PLPPR1: variants seen among roughly 807,000 people sequenced by gnomAD.
The protein encoded by PLPPR1 is phospholipid phosphatase related 1.
A neutral mutation model predicts 33.1 loss-of-function variants in PLPPR1; 10 were observed. The observed-to-expected ratio is 0.30, with a 90% CI of 0.19 to 0.51. The LOEUF (loss-of-function observed/expected upper bound fraction) is 0.51. PLPPR1 is among the 20% of genes least tolerant of loss of function. PLPPR1 has a pLI of 0.97. For missense variants in PLPPR1, 304 were observed against 408.1 expected (o/e 0.74, Z 2.20); for synonymous variants, 151 against 151.0 (o/e 1.00, Z 0.00).
chr9:101,280,520 C>T (rs1433002953), intron 3 of PLPPR1, among the ~76,000 whole-genome samples: 1 of 152,016 alleles, frequency 6.6e-6, no homozygotes, highest in East Asian at 1.9e-4. Flanking sequence ...CCCTAATGAA[C>T]ATGGTTGCAA....
chr9:101,244,057 A>G (rs1437783430), intron 2 of PLPPR1, among the ~76,000 whole-genome samples: 1 of 151,962 alleles, frequency 6.6e-6, no homozygotes, highest in African/African-American at 2.4e-5. Flanking sequence ...TAGGGCAGAG[A>G]TATATTCAAG....
At chr9:101,237,307 A>T (rs1351929287) in intron 2 of PLPPR1, among the ~76,000 whole-genome samples, 1 of 151,786 alleles carries the variant, frequency 6.6e-6, no homozygotes, top group African/African-American at 2.4e-5. Context: ...TGATCCAGCA[A>T]TCTCACTACT....
intron 2 of PLPPR1, among the ~76,000 whole-genome samples, chr9:101,223,447 T>G (rs1826995890): frequency 6.6e-6 from 1 of 152,092 alleles, no homozygotes; most frequent in South Asian, 2.1e-4. Flanking sequence ...TCCAGTCACT[T>G]TAGTTGTATC....
intron 1 of PLPPR1, among the ~76,000 whole-genome samples, chr9:101,135,856 C>G (rs1831371714): frequency 6.6e-6 from 1 of 152,176 alleles, no homozygotes; most frequent in Non-Finnish European, 1.5e-5. Context: ...GTCTGCCCAG[C>G]AGGCTCTCAA....
At chr9:101,127,151 CT>C in intron 1 of PLPPR1, among the ~76,000 whole-genome samples, 1 of 151,834 alleles carries the variant, frequency 6.6e-6, no homozygotes, top group Middle Eastern at 3.4e-3. Context: ...CTTCCAAGTA[CT>C]CAACTTTCCC....
At chr9:101,255,214 G>T (rs979530285) in intron 2 of PLPPR1, among the ~76,000 whole-genome samples, 1 of 152,094 alleles carries the variant, frequency 6.6e-6, no homozygotes, top group African/African-American at 2.4e-5. Flanking sequence ...TGAAAGAGAA[G>T]GGAGTTTGAT....
intron 1 of PLPPR1, among the ~76,000 whole-genome samples, chr9:101,043,031 A>G (rs866772682): frequency 2.6e-5 from 4 of 152,052 alleles, no homozygotes; most frequent in African/African-American, 4.8e-5. Flanking sequence ...ACAGAACCCA[A>G]TTGGTAACCT....
At chr9:101,208,524 C>T (rs1285627504) in intron 2 of PLPPR1, among the ~76,000 whole-genome samples, 1 of 152,174 alleles carries the variant, frequency 6.6e-6, no homozygotes, top group African/African-American at 2.4e-5. Flanking sequence ...ATACTTCAAC[C>T]TTCATTTGTT....
At chr9:101,113,766 CT>C (rs111639465) in intron 1 of PLPPR1, among the ~76,000 whole-genome samples, 8,189 of 151,370 alleles carry the variant, frequency 0.054, 759 homozygotes, top group African/African-American at 0.19. Flanking sequence ...ATAGACATAC[CT>C]TTTTTTTTCA....
intron 1 of PLPPR1, among the ~76,000 whole-genome samples, chr9:101,156,766 G>C (rs1462981739): frequency 6.6e-6 from 1 of 152,050 alleles, no homozygotes; most frequent in African/African-American, 2.4e-5. Context: ...TATGTCAATG[G>C]GAAGAGGAGA....
intron 1 of PLPPR1, among the ~76,000 whole-genome samples, chr9:101,073,177 C>G (rs143923326): frequency 9.2e-5 from 14 of 152,246 alleles, no homozygotes; most frequent in Admixed American, 3.3e-4. Flanking sequence ...CTTTAAAACT[C>G]TAATTTTTGC....
intron 2 of PLPPR1, among the ~76,000 whole-genome samples, chr9:101,242,287 C>T (rs1827488043): frequency 6.6e-6 from 1 of 151,078 alleles, no homozygotes. Context: ...CTTGCCATAC[C>T]CTTTTAATCC....
At chr9:101,293,114 C>T (rs1828549938) in intron 4 of PLPPR1, among the ~76,000 whole-genome samples, 1 of 151,594 alleles carries the variant, frequency 6.6e-6, no homozygotes, top group Non-Finnish European at 1.5e-5. Flanking sequence ...GAAGATCTAC[C>T]AAGCAAATGG....
At chr9:101,274,528 G>A (rs946925532) in intron 3 of PLPPR1, among the ~76,000 whole-genome samples, 4 of 152,162 alleles carry the variant, frequency 2.6e-5, no homozygotes, top group South Asian at 2.1e-4. Context: ...TGCTAATGGC[G>A]CTTGATTTTC....
intron 2 of PLPPR1, among the ~76,000 whole-genome samples, chr9:101,203,005 A>G (rs1023344623): frequency 6.6e-6 from 1 of 152,194 alleles, no homozygotes; most frequent in Non-Finnish European, 1.5e-5. Flanking sequence ...ACAGAATTGA[A>G]TGGAAGTTGC....
At chr9:101,130,474 A>G (rs917135675) in intron 1 of PLPPR1, among the ~76,000 whole-genome samples, 51 of 152,236 alleles carry the variant, frequency 3.4e-4, no homozygotes, top group Non-Finnish European at 6.6e-4. Flanking sequence ...TTAAAAACTA[A>G]TTAGATTAAA....
At chr9:101,142,178 G>A (rs1445651230) in intron 1 of PLPPR1, among the ~76,000 whole-genome samples, 1 of 152,166 alleles carries the variant, frequency 6.6e-6, no homozygotes, top group Non-Finnish European at 1.5e-5. Flanking sequence ...GAAAGTTTAA[G>A]TAACTTGCCC....
chr9:101,030,802 C>A (rs975297833), intron 1 of PLPPR1, among the ~76,000 whole-genome samples: 4 of 151,678 alleles, frequency 2.6e-5, no homozygotes, highest in African/African-American at 9.7e-5. Flanking sequence ...GGGATGGGGA[C>A]CTTTTTATCT....
In PLPPR1 at chr9:101,035,767, ATAT is replaced by A. The variant is rs376479118; in HGVS notation, c.-46+6669_-46+6671del. Among the ~76,000 whole-genome samples the A allele has an allele frequency of 7.0e-4, 107 of 152,292 alleles. No individual in the cohort carries two copies. The East Asian group carries it at 0.016, about 23-fold the overall frequency. On this transcript the variant is annotated intron_variant, in intron 1 of 7. Coordinates refer to ENST00000374874, the MANE Select transcript of PLPPR1 (RefSeq NM_207299.2). ...ATGACACTTCAAATAAAGCAACTTC[ATAT>A]TATAGAAAATCATAGGATTGTCCCA...
Sources: allele counts gnomAD v4.1 joint callset (sites outside exome capture counted in the v4.1 genomes callset), GRCh38; gene constraint gnomAD v4.1.1; transcripts MANE v1.5; gene names NCBI Gene and HGNC (gene_info 2026-07-23, HGNC 2026-07-21).